FAM227B: variants seen among roughly 807,000 people sequenced by gnomAD.
FAM227B encodes the protein family with sequence similarity 227 member B.
Under a neutral mutation model 73.8 loss-of-function variants are expected in FAM227B, and 88 were observed. That is an observed-to-expected ratio of 1.19 (90% CI 1.00 to 1.42). FAM227B has a LOEUF of 1.42. Ranked by LOEUF, FAM227B falls within the 40% of genes most tolerant of loss-of-function variation. FAM227B has a pLI of 0.00. For missense variants in FAM227B, 632 were observed against 590.9 expected, an observed-to-expected ratio of 1.07 and a Z score of -0.72; for synonymous variants, 210 against 190.5, an observed-to-expected ratio of 1.10 and a Z score of -0.84.
chr15:49,543,526 G>T (rs1367999870), intron 9 of FAM227B, among the ~76,000 whole-genome samples: 1 of 151,992 alleles, frequency 6.6e-6, no homozygotes, highest in Non-Finnish European at 1.5e-5. Context: ...CCATCTGTTT[G>T]TTTTTGTTTT....
chr15:49,430,268 C>T (rs2050484316), intron 11 of FAM227B, among the ~76,000 whole-genome samples: 1 of 151,904 alleles, frequency 6.6e-6, no homozygotes, highest in South Asian at 2.1e-4. Flanking sequence ...GGCAGGTCTG[C>T]ATCTCTTCTG....
intron 11 of FAM227B, among the ~76,000 whole-genome samples, chr15:49,399,048 G>A (rs370338377): frequency 0.076 from 8,185 of 108,280 alleles, 171 homozygotes; most frequent in Middle Eastern, 0.11. Flanking sequence ...CAAAAAATTA[G>A]TGAATCCAGG....
chr15:49,471,152 T>G (rs2054704868), intron 11 of FAM227B, among the ~76,000 whole-genome samples: 1 of 151,930 alleles, frequency 6.6e-6, no homozygotes, highest in African/African-American at 2.4e-5. Flanking sequence ...AGAAGAAAAA[T>G]TCTAAAGAGG....
chr15:49,462,489 AT>A (rs1487112284), intron 11 of FAM227B, among the ~76,000 whole-genome samples: 1 of 152,180 alleles, frequency 6.6e-6, no homozygotes, highest in Non-Finnish European at 1.5e-5. Context: ...GGCAAATATA[AT>A]TTCTAACATA....
intron 9 of FAM227B, among the ~76,000 whole-genome samples, chr15:49,548,330 T>C (rs947750956): frequency 6.6e-6 from 1 of 152,218 alleles, no homozygotes; most frequent in Admixed American, 6.5e-5. Context: ...ATTGATTGAT[T>C]TGCATATGTT....
At chr15:49,592,537 T>C (rs2076643517) in intron 3 of FAM227B, among the ~76,000 whole-genome samples, 1 of 152,224 alleles carries the variant, frequency 6.6e-6, no homozygotes, top group South Asian at 2.1e-4. Context: ...AAAATATTGT[T>C]GTCTGATCCT....
intron 5 of FAM227B, among the ~76,000 whole-genome samples, chr15:49,579,717 C>G (rs1192484908): frequency 1.3e-5 from 2 of 152,168 alleles, no homozygotes; most frequent in South Asian, 2.1e-4. Context: ...TGATTAAGTT[C>G]TACTGTTTGA....
At chr15:49,388,880 GAA>G (rs1323667830) in intron 11 of FAM227B, among the ~76,000 whole-genome samples, 1 of 151,906 alleles carries the variant, frequency 6.6e-6, no homozygotes, top group African/African-American at 2.4e-5. Flanking sequence ...ATAAATATAT[GAA>G]AAAGTCCTCA....
chr15:49,482,153 T>G (rs532795397), intron 11 of FAM227B, among the ~76,000 whole-genome samples: 23 of 152,246 alleles, frequency 1.5e-4, no homozygotes, highest in African/African-American at 5.0e-4. Flanking sequence ...GGACTGTACC[T>G]TCATGTAGAA....
intron 9 of FAM227B, among the ~76,000 whole-genome samples, chr15:49,551,872 A>G (rs371421582): frequency 6.6e-6 from 1 of 152,204 alleles, no homozygotes. Context: ...TAAAAACTCA[A>G]TGGTTTAAAT....
chr15:49,532,800 C>T (rs1597956653), intron 10 of FAM227B, among the ~76,000 whole-genome samples: 1 of 151,830 alleles, frequency 6.6e-6, no homozygotes, highest in Admixed American at 6.6e-5. Flanking sequence ...ACAGCTCTAA[C>T]TACAAAGTTA....
chr15:49,451,670 G>A (rs2052756783), intron 11 of FAM227B, among the ~76,000 whole-genome samples: 1 of 152,028 alleles, frequency 6.6e-6, no homozygotes, highest in African/African-American at 2.4e-5. Flanking sequence ...AAGCCAAACT[G>A]AACTCTAATT....
At chr15:49,450,498 ATTATTAATGG>A (rs928164817) in intron 11 of FAM227B, among the ~76,000 whole-genome samples, 35 of 152,194 alleles carry the variant, frequency 2.3e-4, no homozygotes, top group African/African-American at 8.4e-4. Context: ...ATAAACTGAC[ATTATTAATGG>A]TTAATAGCTC....
chr15:49,563,376 G>A (rs1191430686), intron 9 of FAM227B, among the ~76,000 whole-genome samples: 5 of 151,966 alleles, frequency 3.3e-5, no homozygotes, highest in African/African-American at 1.2e-4. Flanking sequence ...CCACACTCAC[G>A]GAATGGAAGA....
At chr15:49,586,405 C>A (rs1222086965) in intron 5 of FAM227B, among the ~76,000 whole-genome samples, 5 of 152,094 alleles carry the variant, frequency 3.3e-5, no homozygotes, top group Non-Finnish European at 7.4e-5. Context: ...AGATTAAAGA[C>A]CAAAATGTAA....
intron 13 of FAM227B, among the ~76,000 whole-genome samples, chr15:49,343,012 G>A (rs1163166341): frequency 6.6e-6 from 1 of 152,042 alleles, no homozygotes; most frequent in Non-Finnish European, 1.5e-5. Context: ...TGTTCATTTT[G>A]TATAGTATCT....
intron 10 of FAM227B, among the ~76,000 whole-genome samples, chr15:49,537,344 A>G (rs1283472271): frequency 1.3e-5 from 2 of 152,120 alleles, no homozygotes; most frequent in African/African-American, 2.4e-5. Flanking sequence ...ATTAATTTTT[A>G]GGGAAATGCA....
At position 49,327,624 on chromosome 15, in the gene FAM227B, G is replaced by A. The variant is rs117926868; in HGVS notation, c.*944C>T. 0.018 allele frequency: 3,235 copies of A among 178,722 alleles called. 48 individuals carry two copies. Among genetic ancestry groups the A allele is most frequent in the African/African-American group, 0.028 (1,193 of 42,552 alleles). 11.1% of individuals were successfully genotyped at this position (178,722 alleles called of 1,614,324 possible). A position where few individuals can be genotyped will look rare whatever the true frequency, so the allele number is the denominator to read the frequency against. On this transcript the variant is annotated 3_prime_UTR_variant, in exon 16 of 16. Coordinates refer to ENST00000299338, the MANE Select transcript of FAM227B (RefSeq NM_152647.3). ...TCTTAACGCCTCCTTCCTGATTTAC[G>A]TGTAAGCTTGCTATACAACTCTTCA...
At chr15:49,419,432 T>C (rs1034040928) in intron 11 of FAM227B, among the ~76,000 whole-genome samples, 2 of 152,200 alleles carry the variant, frequency 1.3e-5, no homozygotes, top group African/African-American at 2.4e-5. Context: ...ATGACTTTTT[T>C]CCCTCAACCT....
Sources: allele counts gnomAD v4.1 joint callset (sites outside exome capture counted in the v4.1 genomes callset), GRCh38; gene constraint gnomAD v4.1.1; transcripts MANE v1.5; gene names NCBI Gene and HGNC (gene_info 2026-07-23, HGNC 2026-07-21).